LNX2: variants seen among roughly 807,000 people sequenced by gnomAD.
LNX2 encodes the protein ligand of numb-protein X 2.
A neutral mutation model predicts 66.2 loss-of-function variants in LNX2; 35 were observed. That is an observed-to-expected ratio of 0.53 (90% confidence interval 0.40 to 0.70). LNX2 has a LOEUF of 0.70. Ranked by LOEUF, LNX2 falls within the 30% of genes least tolerant of loss-of-function variation. LNX2 has a pLI of 0.00. For synonymous variants in LNX2, 337 were observed against 315.6 expected (o/e 1.07, Z -0.72); for missense variants, 791 against 850.8 (o/e 0.93, Z 0.87).
intron 1 of LNX2, among the ~76,000 whole-genome samples, chr13:27,599,338 T>G (rs897070298): frequency 1.3e-5 from 2 of 152,226 alleles, no homozygotes; most frequent in Admixed American, 1.3e-4. Flanking sequence ...AAGGAGCCTT[T>G]GTTTACTCAT....
chr13:27,598,571 T>G (rs1955623873), intron 1 of LNX2, among the ~76,000 whole-genome samples: 1 of 152,064 alleles, frequency 6.6e-6, no homozygotes, highest in Non-Finnish European at 1.5e-5. Flanking sequence ...ATTAACAGAT[T>G]TAATCCTCAA....
In LNX2 at chr13:27,583,245, T is replaced by TGC. The variant is rs1377484241; in HGVS notation, c.-100-1443_-100-1442insGC. On this transcript the variant is annotated intron_variant, in intron 1 of 9. Transcript: ENST00000316334. ...GTGTGTGTGTGTGTGTGTGTGTGTG[T>TGC]GTGTGTGTGTGCGCGCGTCCTCTCC... Among the ~76,000 whole-genome samples the TGC allele has an allele frequency of 8.3e-3, 268 of 32,212 alleles. 74 individuals carry two copies. The highest frequency in any genetic ancestry group is 0.018 in the East Asian group (22 of 1,198). The allele number at this position is 32,212 out of a possible 152,430, so 21.1% of individuals were successfully genotyped here.
In LNX2 at chr13:27,581,389, T is replaced by C; in HGVS notation, c.315A>G (p.Lys105=). The stretch of plus-strand genomic sequence containing the variant: ...ATAAAACTAATAATTTGTCTAGGAG[T>C]TTATGAACTAGAATACTAGACTTCT... ...LCKKSSILVH[K]LLDKLLVLCP... is the part of the protein sequence containing the mutation. The change falls in exon 2 of 10, where the codon AAA becomes AAG. Residue 105 remains lysine (K), a synonymous_variant. Transcript: ENST00000316334. 1 of 1,596,126 alleles carries C rather than the reference T, an allele frequency of 6.3e-7. No individual in the cohort carries two copies.
intron 2 of LNX2, among the ~76,000 whole-genome samples, chr13:27,573,117 G>A (rs375209804): frequency 3.3e-5 from 5 of 152,274 alleles, no homozygotes; most frequent in African/African-American, 1.2e-4. Context: ...AGTAAGAAGA[G>A]AGAGCTCTGT....
upstream of LNX2, chr13:27,620,829 G>C (rs1017105328): frequency 8.5e-5 from 13 of 153,268 alleles, no homozygotes; most frequent in East Asian, 2.3e-3. Flanking sequence ...CCGCTGGCTA[G>C]GTGTCTGCGC....
chr13:27,571,017 T>C (rs995231381), intron 2 of LNX2, among the ~76,000 whole-genome samples: 2 of 152,152 alleles, frequency 1.3e-5, no homozygotes, highest in South Asian at 4.1e-4. Context: ...ACAGTCCCAG[T>C]GAGACAGCAA....
At chr13:27,549,110 C>G (rs1954976616) in intron 9 of LNX2, among the ~76,000 whole-genome samples, 1 of 152,144 alleles carries the variant, frequency 6.6e-6, no homozygotes, top group African/African-American at 2.4e-5. Flanking sequence ...GGTTAAGTAA[C>G]TTAGCTAAGA....
chr13:27,550,018 CAT>C (rs1954986808), intron 9 of LNX2, among the ~76,000 whole-genome samples: 1 of 152,158 alleles, frequency 6.6e-6, no homozygotes, highest in Admixed American at 6.5e-5. Context: ...ATTAATGAAA[CAT>C]AGCTATAAGT....
At chr13:27,608,625 T>C (rs186840524) in intron 1 of LNX2, among the ~76,000 whole-genome samples, 3 of 152,294 alleles carry the variant, frequency 2.0e-5, no homozygotes, top group Non-Finnish European at 2.9e-5. Context: ...ATCAAACAGA[T>C]GTGCTGCTTA....
At chr13:27,597,604 G>C (rs1204576127) in intron 1 of LNX2, among the ~76,000 whole-genome samples, 1 of 152,126 alleles carries the variant, frequency 6.6e-6, no homozygotes, top group Non-Finnish European at 1.5e-5. Context: ...CCATGTGTCT[G>C]GGTAGGTAAC....
intron 6 of LNX2, among the ~76,000 whole-genome samples, chr13:27,557,482 T>C (rs1327658530): frequency 6.6e-6 from 1 of 152,108 alleles, no homozygotes; most frequent in Non-Finnish European, 1.5e-5. Context: ...AACTATCCCA[T>C]TAAGTGTACA....
At chr13:27,585,465 A>T (rs568008222) in intron 1 of LNX2, among the ~76,000 whole-genome samples, 1 of 151,724 alleles carries the variant, frequency 6.6e-6, no homozygotes, top group Non-Finnish European at 1.5e-5. Context: ...TATAAAAATA[A>T]TAAAAAAAAA....
intron 1 of LNX2, among the ~76,000 whole-genome samples, chr13:27,582,903 A>G (rs1230181890): frequency 2.0e-5 from 3 of 152,124 alleles, no homozygotes; most frequent in Non-Finnish European, 1.5e-5. Flanking sequence ...ATAAAAAATG[A>G]CCTTTGCTCA....
intron 2 of LNX2, among the ~76,000 whole-genome samples, chr13:27,578,741 C>CA (rs1955367305): frequency 6.6e-6 from 1 of 152,186 alleles, no homozygotes; most frequent in Non-Finnish European, 1.5e-5. Context: ...ATCAAGGTGT[C>CA]AGAAATGTGA....
intron 1 of LNX2, among the ~76,000 whole-genome samples, chr13:27,615,429 C>T (rs1319928301): frequency 3.9e-5 from 6 of 152,198 alleles, no homozygotes; most frequent in Non-Finnish European, 8.8e-5. Context: ...CTCTCTGAAC[C>T]CTGTCCTCTT....
In LNX2 at chr13:27,562,364, A is replaced by G. The variant is rs371239371; in HGVS notation, c.1224+49T>C. 23 of 1,558,474 alleles carry G rather than the reference A, an allele frequency of 1.5e-5. No individual in the cohort carries two copies. The African/African-American group carries it at 2.9e-4, about 19-fold the overall frequency. ...TTGGCCAGTGAAAACAAATACTACTATATGATCATTTCGGCCAAGCCTTTG... is the reference window on the plus strand; with the variant it reads ...TTGGCCAGTGAAAACAAATACTACTGTATGATCATTTCGGCCAAGCCTTTG... On this transcript the variant is annotated intron_variant, in intron 5 of 9. Transcript: ENST00000316334.
chr13:27,559,876 G>A lies in LNX2; in HGVS notation c.1334C>T (p.Pro445Leu). ...GCTTGGTCTGCTATAATACGGTGGT[G>A]GTGTGTGGTGCTGGCTGCTGCTGCT... ...NHSSSSQHHTPPPYYSRPSSH... is the reference protein window; with the variant it reads ...NHSSSSQHHTLPPYYSRPSSH... Residue 445 changes from proline to leucine, a missense_variant, in exon 6 of 10, where the codon CCA (proline) becomes CTA (leucine). Physicochemically the swap from Pro to Leu is moderately conservative, Grantham distance 98. Coordinates refer to ENST00000316334, the MANE Select transcript of LNX2 (RefSeq NM_153371.4). 2 of 1,609,514 alleles carry A rather than the reference G, an allele frequency of 1.2e-6. No individual in the cohort carries two copies. Among genetic ancestry groups the A allele is most frequent in the Non-Finnish European group, 1.7e-6 (2 of 1,176,938 alleles).
At chr13:27,585,977 A>G (rs1203432343) in intron 1 of LNX2, among the ~76,000 whole-genome samples, 2 of 135,194 alleles carry the variant, frequency 1.5e-5, no homozygotes, top group Non-Finnish European at 3.2e-5. Context: ...GGGTCAATAT[A>G]AAGAATAAGT....
At chr13:27,618,709 T>TA (rs1191891035) in intron 1 of LNX2, among the ~76,000 whole-genome samples, 1 of 152,234 alleles carries the variant, frequency 6.6e-6, no homozygotes, top group Non-Finnish European at 1.5e-5. Context: ...CTGAAATGAA[T>TA]AATACATGTC....
Sources: allele counts gnomAD v4.1 joint callset (sites outside exome capture counted in the v4.1 genomes callset), GRCh38; gene constraint gnomAD v4.1.1; transcripts MANE v1.5; gene names NCBI Gene and HGNC (gene_info 2026-07-23, HGNC 2026-07-21).